MCTP1: variants seen among roughly 807,000 people sequenced by gnomAD.
The protein encoded by MCTP1 is multiple C2 and transmembrane domain-containing protein 1.
MCTP1 carries 69 observed loss-of-function variants against 120.6 expected under a neutral mutation model. The observed-to-expected ratio is 0.57, with a 90% CI of 0.47 to 0.70. The LOEUF is 0.70. Among genes scored for constraint, MCTP1 ranks in the 30% least tolerant of loss-of-function variants. MCTP1 has a pLI of 0.00. For missense variants in MCTP1, 1,203 were observed against 1,248.8 expected (o/e 0.96, Z 0.55); for synonymous variants, 529 against 493.1 (o/e 1.07, Z -0.96).
intron 1 of MCTP1, among the ~76,000 whole-genome samples, chr5:95,248,264 T>C (rs1225157826): frequency 3.9e-5 from 6 of 152,026 alleles, no homozygotes; most frequent in African/African-American, 1.5e-4. Flanking sequence ...AATCATATAT[T>C]TAGAAAACCC....
chr5:95,176,187 GT>G (rs1348221505), intron 1 of MCTP1, among the ~76,000 whole-genome samples: 7 of 152,016 alleles, frequency 4.6e-5, no homozygotes, highest in Admixed American at 1.3e-4. Flanking sequence ...ACAAATATTT[GT>G]TTAGTATGCC....
intron 17 of MCTP1, among the ~76,000 whole-genome samples, chr5:94,858,316 T>C (rs1196855976): frequency 6.6e-6 from 1 of 151,630 alleles, no homozygotes; most frequent in African/African-American, 2.4e-5. Context: ...CATACACACA[T>C]CTCTGCAGTG....
intron 1 of MCTP1, among the ~76,000 whole-genome samples, chr5:95,216,289 G>C (rs879738391): frequency 6.6e-6 from 1 of 152,172 alleles, no homozygotes; most frequent in Non-Finnish European, 1.5e-5. Flanking sequence ...GGCAGAATTG[G>C]AGACACTGTT....
At position 94,870,327 on chromosome 5, in the gene MCTP1, C is replaced by T. The variant is rs1561778893; in HGVS notation, c.2316+90G>A. 8.4e-6 allele frequency: 7 copies of T among 835,552 alleles called. No individual in the cohort carries two copies. In the East Asian group the frequency reaches 1.3e-4, roughly 15 times the overall value. 51.8% of individuals were successfully genotyped at this position (835,552 alleles called of 1,614,324 possible). ...TCAAAAATTCCAGTCTTCCCCCCTC[C>T]ATACCTTTAAAGTTTATTTGAATTT... On this transcript the variant is annotated intron_variant, in intron 16 of 22. Transcript: ENST00000515393.
chr5:95,220,298 C>T (rs1446241726), intron 1 of MCTP1, among the ~76,000 whole-genome samples: 1 of 149,764 alleles, frequency 6.7e-6, no homozygotes, highest in Non-Finnish European at 1.5e-5. Context: ...AAAATCTGTA[C>T]ATTAAGTCAT....
chr5:95,192,249 T>TG (rs1749907241), intron 1 of MCTP1, among the ~76,000 whole-genome samples: 1 of 152,052 alleles, frequency 6.6e-6, no homozygotes, highest in African/African-American at 2.4e-5. Context: ...GAGGCATGTA[T>TG]GTATAACTGT....
intron 10 of MCTP1, among the ~76,000 whole-genome samples, chr5:94,897,180 C>G (rs997032711): frequency 6.6e-6 from 1 of 151,718 alleles, no homozygotes. Flanking sequence ...CTTCCCACTT[C>G]AGCCTCCAGG....
chr5:95,037,561 G>T (rs988469302), intron 1 of MCTP1, among the ~76,000 whole-genome samples: 2 of 152,052 alleles, frequency 1.3e-5, no homozygotes, highest in African/African-American at 4.8e-5. Flanking sequence ...ATAATGTAGA[G>T]ACTTAAAAAT....
At chr5:95,096,201 C>G (rs1756254702) in intron 1 of MCTP1, among the ~76,000 whole-genome samples, 1 of 152,192 alleles carries the variant, frequency 6.6e-6, no homozygotes, top group Non-Finnish European at 1.5e-5. Context: ...AGACTGACTT[C>G]TTGAGAGAAA....
chr5:94,972,551 C>T (rs903318874), intron 2 of MCTP1, among the ~76,000 whole-genome samples: 2 of 152,066 alleles, frequency 1.3e-5, no homozygotes, highest in African/African-American at 4.8e-5. Flanking sequence ...GGAGCAGTTG[C>T]TTTAGACAAG....
At chr5:95,200,508 A>C (rs1373179745) in intron 1 of MCTP1, among the ~76,000 whole-genome samples, 1 of 152,242 alleles carries the variant, frequency 6.6e-6, no homozygotes, top group East Asian at 1.9e-4. Context: ...ATGGAATACT[A>C]TTCAGCTTTA....
chr5:95,037,888 AAAC>A (rs746244510), intron 1 of MCTP1, among the ~76,000 whole-genome samples: 5 of 152,120 alleles, frequency 3.3e-5, no homozygotes, highest in African/African-American at 4.8e-5. Flanking sequence ...AACAAAAACA[AAAC>A]AACAACAACC....
At chr5:94,895,731 A>G (rs1803820978) in intron 10 of MCTP1, among the ~76,000 whole-genome samples, 2 of 152,192 alleles carry the variant, frequency 1.3e-5, no homozygotes, top group African/African-American at 2.4e-5. Flanking sequence ...CTAAACTCCT[A>G]TGGACAGTGT....
intron 19 of MCTP1, among the ~76,000 whole-genome samples, chr5:94,716,878 A>G (rs983060445): frequency 1.3e-5 from 2 of 152,156 alleles, no homozygotes; most frequent in African/African-American, 4.8e-5. Context: ...ATAGGTAACT[A>G]TAGCTAAGAA....
chr5:95,007,645 A>T (rs768330035), intron 2 of MCTP1, among the ~76,000 whole-genome samples: 2 of 152,200 alleles, frequency 1.3e-5, no homozygotes, highest in Non-Finnish European at 2.9e-5. Flanking sequence ...GCTTTTTTAA[A>T]AATGTCCTAC....
intron 19 of MCTP1, among the ~76,000 whole-genome samples, chr5:94,755,552 G>A (rs747217344): frequency 1.3e-5 from 2 of 152,136 alleles, no homozygotes; most frequent in Non-Finnish European, 2.9e-5. Context: ...AATCACCAGC[G>A]TTCATGACTT....
chr5:94,775,086 A>G (rs1178280930), intron 19 of MCTP1, among the ~76,000 whole-genome samples: 1 of 152,206 alleles, frequency 6.6e-6, no homozygotes, highest in Admixed American at 6.5e-5. Flanking sequence ...CTAACTCTAG[A>G]TATGTTTCAT....
chr5:95,012,986 CAGGT>C (rs1836332357), intron 2 of MCTP1, among the ~76,000 whole-genome samples: 1 of 152,110 alleles, frequency 6.6e-6, no homozygotes, highest in African/African-American at 2.4e-5. Context: ...TTGCTCCAAA[CAGGT>C]AGCCAAGTTA....
chr5:94,939,881 G>T (rs1181254437), intron 5 of MCTP1, among the ~76,000 whole-genome samples: 3 of 151,966 alleles, frequency 2.0e-5, no homozygotes, highest in Admixed American at 1.3e-4. Context: ...ACAACAAGAG[G>T]TTCTGATCTG....
Sources: gnomAD v4.1 joint callset for allele counts (sites outside exome capture counted in the v4.1 genomes callset) on GRCh38, gnomAD v4.1.1 for gene constraint, MANE v1.5 for transcripts, NCBI Gene and HGNC (gene_info 2026-07-23, HGNC 2026-07-21) for gene names.